The following FBXL20 variants were observed in gnomAD, a reference collection of about 807,000 sequenced individuals.
FBXL20 encodes F-box/LRR-repeat protein 20.
In FBXL20, 11 loss-of-function variants were observed where a neutral mutation model predicts 64.0. That is an observed-to-expected ratio of 0.17 (90% CI 0.11 to 0.28). The LOEUF is 0.28. Ranked by LOEUF, FBXL20 falls within the 10% of genes least tolerant of loss-of-function variation. The pLI is 1.00. For missense variants in FBXL20, 303 were observed against 526.2 expected (o/e 0.58, Z 4.15); for synonymous variants, 184 against 189.0 (o/e 0.97, Z 0.22).
rs2047055234 is a variant in FBXL20, at chr17:39,293,100, CTT to C, written c.398+4025_398+4026del. Among the ~76,000 whole-genome samples the C allele has an allele frequency of 6.6e-5, 10 of 151,766 alleles. No individual in the cohort carries two copies. The East Asian group carries it at 1.2e-3, about 18-fold the overall frequency. On this transcript the variant is annotated intron_variant, in intron 6 of 14. Transcript: ENST00000264658. ...GAGCCACTGTGCCTGGCCAACATGT[CTT>C]ACAATTTTTGATTGAGTGACAGATA...
At chr17:39,296,365 C>A (rs1016041117) in intron 6 of FBXL20, among the ~76,000 whole-genome samples, 1 of 151,880 alleles carries the variant, frequency 6.6e-6, no homozygotes, top group Admixed American at 6.6e-5. Context: ...TCGAGACCAT[C>A]CTGGCTAACA....
chr17:39,285,576 GA>G lies in FBXL20; in HGVS notation c.399-4del. 5.1e-6 allele frequency: 8 copies of G among 1,572,272 alleles called. No individual in the cohort carries two copies. The highest frequency in any genetic ancestry group is 1.9e-5 in the Admixed American group (1 of 54,036). ...ACTTGCTAAGGCTAGTACATGTACT[GA>G]AAAATGGAAAAAGGAGAAAATAATG... On this transcript the variant is annotated splice_polypyrimidine_tract_variant and splice_region_variant and intron_variant, in intron 6 of 14. Transcript: ENST00000264658.
intron 3 of FBXL20, 118 bp downstream of exon 3, chr17:39,303,467 T>C (rs967849247): frequency 1.3e-6 from 1 of 779,714 alleles, no homozygotes; most frequent in Non-Finnish European, 2.0e-6. Context: ...TGAAATAATC[T>C]CCTTTAAAAC....
intron 2 of FBXL20, among the ~76,000 whole-genome samples, chr17:39,325,215 T>C (rs952710460): frequency 6.6e-6 from 1 of 151,980 alleles, no homozygotes; most frequent in Non-Finnish European, 1.5e-5. Flanking sequence ...AAAAAAATAG[T>C]AGTAATAATC....
intron 1 of FBXL20, among the ~76,000 whole-genome samples, chr17:39,387,914 T>A (rs1466463597): frequency 6.6e-6 from 1 of 152,056 alleles, no homozygotes; most frequent in Non-Finnish European, 1.5e-5. Flanking sequence ...TTTCAATTTA[T>A]CATAGGTTTA....
intron 1 of FBXL20, among the ~76,000 whole-genome samples, chr17:39,383,026 G>A (rs1265255301): frequency 6.6e-6 from 1 of 151,408 alleles, no homozygotes; most frequent in East Asian, 1.9e-4. Flanking sequence ...AGCTTTGCAT[G>A]GTGGCGTGCA....
intron 2 of FBXL20, among the ~76,000 whole-genome samples, chr17:39,318,306 C>T (rs1434278485): frequency 1.3e-5 from 2 of 152,154 alleles, no homozygotes; most frequent in Non-Finnish European, 2.9e-5. Context: ...TGGTCTGCAT[C>T]TTTGATAGGA....
At chr17:39,270,343 A>C (rs1213427817) in intron 11 of FBXL20, among the ~76,000 whole-genome samples, 1 of 152,150 alleles carries the variant, frequency 6.6e-6, no homozygotes, top group Admixed American at 6.6e-5. Context: ...TGGGAGTTGA[A>C]GACCAGCCTG....
At chr17:39,383,867 G>A (rs911185723) in intron 1 of FBXL20, among the ~76,000 whole-genome samples, 6 of 151,912 alleles carry the variant, frequency 3.9e-5, no homozygotes, top group African/African-American at 1.4e-4. Context: ...TGGGATTACA[G>A]GCGTGAGCCA....
chr17:39,277,169 AT>A (rs111441838), intron 9 of FBXL20, among the ~76,000 whole-genome samples: 9 of 152,318 alleles, frequency 5.9e-5, no homozygotes, highest in African/African-American at 1.2e-4. Context: ...ACAAATATAG[AT>A]TAAAAAAATT....
intron 2 of FBXL20, among the ~76,000 whole-genome samples, chr17:39,333,609 G>C (rs540659949): frequency 2.7e-5 from 4 of 150,070 alleles, no homozygotes; most frequent in Non-Finnish European, 5.9e-5. Flanking sequence ...GCCACCCATC[G>C]TCTGGGATGT....
intron 1 of FBXL20, among the ~76,000 whole-genome samples, chr17:39,343,841 G>T (rs2144573597): frequency 6.6e-6 from 1 of 152,004 alleles, no homozygotes; most frequent in East Asian, 1.9e-4. Context: ...GGTTACAGGT[G>T]CATGCCACCA....
intron 1 of FBXL20, among the ~76,000 whole-genome samples, chr17:39,390,818 G>A (rs1039161239): frequency 6.6e-6 from 1 of 152,190 alleles, no homozygotes; most frequent in Non-Finnish European, 1.5e-5. Context: ...GGAGGCCAAG[G>A]CAGGTGGATC....
intron 1 of FBXL20, among the ~76,000 whole-genome samples, chr17:39,345,440 G>T (rs1473117005): frequency 6.6e-6 from 1 of 152,130 alleles, no homozygotes; most frequent in Non-Finnish European, 1.5e-5. Flanking sequence ...GAAGATCCTG[G>T]TATCTCATGG....
intron 1 of FBXL20, among the ~76,000 whole-genome samples, chr17:39,372,347 C>T (rs141191707): frequency 0.011 from 1,601 of 151,204 alleles, 29 homozygotes; most frequent in African/African-American, 0.037. Flanking sequence ...GGTGAAACCC[C>T]GTCTCTACTT....
intron 1 of FBXL20, among the ~76,000 whole-genome samples, chr17:39,347,770 C>G (rs1225531953): frequency 6.6e-6 from 1 of 152,140 alleles, no homozygotes; most frequent in African/African-American, 2.4e-5. Context: ...TTGCCCACCC[C>G]TATGTTCTGA....
At chr17:39,354,118 G>A (rs919268024) in intron 1 of FBXL20, among the ~76,000 whole-genome samples, 5 of 152,124 alleles carry the variant, frequency 3.3e-5, no homozygotes, top group Non-Finnish European at 7.3e-5. Context: ...TCTGGCATCT[G>A]TGAAATCAGG....
At chr17:39,337,630 C>T (rs2047538071) in intron 2 of FBXL20, among the ~76,000 whole-genome samples, 2 of 151,504 alleles carry the variant, frequency 1.3e-5, no homozygotes, top group East Asian at 2.0e-4. Flanking sequence ...CGTCTCTGCC[C>T]GGCCGCCCCG....
At chr17:39,301,657 G>A (rs2047136344) in intron 3 of FBXL20, among the ~76,000 whole-genome samples, 1 of 152,090 alleles carries the variant, frequency 6.6e-6, no homozygotes, top group Admixed American at 6.6e-5. Context: ...GAACCTGGGA[G>A]GCGGAGGTTG....
Sources: allele counts gnomAD v4.1 joint callset (sites outside exome capture counted in the v4.1 genomes callset), GRCh38; gene constraint gnomAD v4.1.1; transcripts MANE v1.5; gene names NCBI Gene and HGNC (gene_info 2026-07-23, HGNC 2026-07-21).